Variants in DIP2C observed in about 807,000 individuals in gnomAD.
The protein encoded by DIP2C is DIP2 acetate--CoA ligase C (putative), also known as disco-interacting protein 2 homolog C.
A neutral mutation model predicts 192.4 loss-of-function variants in DIP2C; 33 were observed. The observed-to-expected ratio is 0.17, with a 90% confidence interval of 0.13 to 0.23. DIP2C has a LOEUF of 0.23. DIP2C is among the 10% of genes least tolerant of loss of function. The pLI, the probability that DIP2C is intolerant of heterozygous loss-of-function variation, is 1.00. For missense variants in DIP2C, 1,537 were observed against 2,110.1 expected (o/e 0.73, Z 5.32); for synonymous variants, 979 against 864.1 (o/e 1.13, Z -2.33).
intron 31 of DIP2C, among the ~76,000 whole-genome samples, chr10:312,876 T>C (rs1956622488): frequency 6.6e-6 from 1 of 152,102 alleles, no homozygotes; most frequent in Non-Finnish European, 1.5e-5. Flanking sequence ...GGAACAAAAA[T>C]AAAAATAAGT....
chr10:343,358 C>G (rs1958254858), intron 28 of DIP2C, among the ~76,000 whole-genome samples: 1 of 152,174 alleles, frequency 6.6e-6, no homozygotes, highest in East Asian at 1.9e-4. Context: ...AAGGGACCAG[C>G]ACAGAGCCTT....
intron 1 of DIP2C, among the ~76,000 whole-genome samples, chr10:582,427 A>G (rs1850728117): frequency 6.6e-6 from 1 of 152,142 alleles, no homozygotes; most frequent in African/African-American, 2.4e-5. Flanking sequence ...CAACAAAGAA[A>G]AGAAAGTTAG....
chr10:679,120 T>G (rs1588756899), intron 1 of DIP2C, among the ~76,000 whole-genome samples: 1 of 25,100 alleles, frequency 4.0e-5, no homozygotes, highest in African/African-American at 1.0e-4. Context: ...CCCACGCCCA[T>G]GCTCCCCGCA....
intron 1 of DIP2C, among the ~76,000 whole-genome samples, chr10:657,955 C>G (rs1258538580): frequency 2.0e-5 from 3 of 151,156 alleles, no homozygotes; most frequent in Non-Finnish European, 3.0e-5. Context: ...GCCCCTGGAC[C>G]TGTCCCTGGA....
chr10:342,154 A>T (rs939938162), intron 28 of DIP2C, among the ~76,000 whole-genome samples: 3 of 147,878 alleles, frequency 2.0e-5, no homozygotes, highest in Non-Finnish European at 4.5e-5. Flanking sequence ...CGTGTAACCC[A>T]CTCTCTCTCT....
intron 18 of DIP2C, among the ~76,000 whole-genome samples, chr10:368,360 T>C (rs1960539434): frequency 6.6e-6 from 1 of 152,252 alleles, no homozygotes; most frequent in African/African-American, 2.4e-5. Flanking sequence ...TGCAGTTCCA[T>C]TTATTTGAAA....
chr10:558,206 A>G (rs1849012518), intron 1 of DIP2C, among the ~76,000 whole-genome samples: 1 of 152,176 alleles, frequency 6.6e-6, no homozygotes, highest in African/African-American at 2.4e-5. Flanking sequence ...AGTACTGAGC[A>G]TGCGTCAAGC....
chr10:481,102 T>C (rs866847593), intron 2 of DIP2C, among the ~76,000 whole-genome samples: 25 of 152,150 alleles, frequency 1.6e-4, no homozygotes, highest in South Asian at 2.1e-4. Flanking sequence ...GTCACCAGAC[T>C]GTAACTCTCA....
intron 1 of DIP2C, among the ~76,000 whole-genome samples, chr10:594,394 A>G (rs903188400): frequency 6.6e-6 from 1 of 152,006 alleles, no homozygotes; most frequent in African/African-American, 2.4e-5. Flanking sequence ...GGCCAAGTAC[A>G]AACCATTTCA....
intron 6 of DIP2C, among the ~76,000 whole-genome samples, chr10:417,961 C>T (rs372921272): frequency 0.014 from 835 of 61,234 alleles, 24 homozygotes; most frequent in East Asian, 0.034. Context: ...TGTCCACCTG[C>T]ACCTGTCAGG....
intron 29 of DIP2C, among the ~76,000 whole-genome samples, chr10:336,895 GGTGTGTGT>G (rs112539860): frequency 0.021 from 1,939 of 91,752 alleles, 65 homozygotes; most frequent in African/African-American, 0.061. Flanking sequence ...GGCCTAGGCA[GGTGTGTGT>G]GTGTGTGTGT....
intron 1 of DIP2C, among the ~76,000 whole-genome samples, chr10:613,350 A>G (rs1240742614): frequency 6.6e-6 from 1 of 152,096 alleles, no homozygotes; most frequent in Non-Finnish European, 1.5e-5. Flanking sequence ...GATTTTCTAT[A>G]AATAATGTGC....
chr10:495,888 C>G (rs1382312415), intron 1 of DIP2C, among the ~76,000 whole-genome samples: 3 of 151,000 alleles, frequency 2.0e-5, no homozygotes, highest in African/African-American at 7.3e-5. Context: ...TCCTTAAAAT[C>G]TCTACATTAC....
At chr10:445,016 G>A (rs772407289) in intron 3 of DIP2C, among the ~76,000 whole-genome samples, 11 of 152,308 alleles carry the variant, frequency 7.2e-5, no homozygotes, top group East Asian at 1.9e-4. Flanking sequence ...TAAAGTGGCC[G>A]TGCCGTTTTA....
At chr10:427,020 T>C (rs1468745218) in intron 4 of DIP2C, among the ~76,000 whole-genome samples, 1 of 152,230 alleles carries the variant, frequency 6.6e-6, no homozygotes, top group African/African-American at 2.4e-5. Context: ...ACTACTAAGT[T>C]TTAAAAGATG....
At chr10:567,193 GTTTTGTT>G (rs950505274) in intron 1 of DIP2C, among the ~76,000 whole-genome samples, 8 of 130,048 alleles carry the variant, frequency 6.2e-5, no homozygotes, top group African/African-American at 2.6e-4. Flanking sequence ...TTTTTGTTTT[GTTTTGTT>G]TTTTTTAAGA....
intron 33 of DIP2C, among the ~76,000 whole-genome samples, chr10:287,950 G>T (rs1207632115): frequency 6.6e-6 from 1 of 152,176 alleles, no homozygotes; most frequent in Non-Finnish European, 1.5e-5. Flanking sequence ...TGGAATTTCA[G>T]TGTAGGACAG....
intron 1 of DIP2C, among the ~76,000 whole-genome samples, chr10:487,359 T>G: frequency 6.6e-6 from 1 of 151,984 alleles, no homozygotes; most frequent in African/African-American, 2.4e-5. Flanking sequence ...GAATGAAAAG[T>G]TATCAAGGTA....
chr10:516,136 C>G (rs749896486), intron 1 of DIP2C, among the ~76,000 whole-genome samples: 9 of 149,138 alleles, frequency 6.0e-5, no homozygotes, highest in Non-Finnish European at 1.2e-4. Flanking sequence ...CCTTTGTCCT[C>G]CATCCTGTTA....
Sources: allele counts gnomAD v4.1 joint callset (sites outside exome capture counted in the v4.1 genomes callset), GRCh38; gene constraint gnomAD v4.1.1; transcripts MANE v1.5; gene names NCBI Gene and HGNC (gene_info 2026-07-23, HGNC 2026-07-21).